CNTNAP2: variants seen among roughly 807,000 people sequenced by gnomAD.
CNTNAP2 encodes contactin-associated protein-like 2.
A neutral mutation model predicts 155.2 loss-of-function variants in CNTNAP2; 98 were observed. The ratio of observed to expected loss-of-function variants is 0.63; its 90% confidence interval spans 0.54 to 0.75. The LOEUF is 0.75. Ranked by LOEUF, CNTNAP2 falls within the 30% of genes least tolerant of loss-of-function variation. CNTNAP2 has a pLI of 0.00. For synonymous variants in CNTNAP2, 651 were observed against 631.2 expected, an observed-to-expected ratio of 1.03 and a Z score of -0.47; for missense variants, 1,727 against 1,688.1, an observed-to-expected ratio of 1.02 and a Z score of -0.40.
intron 18 of CNTNAP2, among the ~76,000 whole-genome samples, chr7:148,211,573 T>C (rs1030175863): frequency 5.9e-5 from 9 of 152,112 alleles, no homozygotes; most frequent in Non-Finnish European, 1.0e-4. Context: ...TCATGGGAAA[T>C]AGGCAAAAAC....
intron 11 of CNTNAP2, among the ~76,000 whole-genome samples, chr7:147,518,460 C>T (rs571837914): frequency 2.0e-4 from 31 of 152,264 alleles, no homozygotes; most frequent in African/African-American, 7.5e-4. Flanking sequence ...GGGGGCCTGT[C>T]CTAGCATCAT....
intron 3 of CNTNAP2, among the ~76,000 whole-genome samples, chr7:147,000,353 G>T (rs1156897041): frequency 6.6e-6 from 1 of 151,830 alleles, no homozygotes; most frequent in African/African-American, 2.4e-5. Context: ...TTATCGTGAG[G>T]CATTTTTCAT....
At chr7:146,220,549 T>C (rs553568337) in intron 1 of CNTNAP2, among the ~76,000 whole-genome samples, 1 of 152,262 alleles carries the variant, frequency 6.6e-6, no homozygotes, top group East Asian at 1.9e-4. Context: ...GTATTATAGT[T>C]TGTCCTATAG....
At chr7:146,491,007 T>A (rs1019855439) in intron 1 of CNTNAP2, among the ~76,000 whole-genome samples, 39 of 152,146 alleles carry the variant, frequency 2.6e-4, no homozygotes, top group Admixed American at 1.1e-3. Context: ...AATATGCTTT[T>A]TATTTCTCTC....
chr7:148,007,507 T>A (rs1368555961), intron 15 of CNTNAP2, among the ~76,000 whole-genome samples: 1 of 152,134 alleles, frequency 6.6e-6, no homozygotes, highest in African/African-American at 2.4e-5. Context: ...AATGTGAAAA[T>A]GAAATCTTTC....
chr7:146,982,319 A>G (rs1027462851), intron 3 of CNTNAP2, among the ~76,000 whole-genome samples: 1 of 152,156 alleles, frequency 6.6e-6, no homozygotes, highest in Admixed American at 6.5e-5. Context: ...TATAATATAT[A>G]AGATCATGTT....
At chr7:146,308,713 A>C (rs1800765459) in intron 1 of CNTNAP2, among the ~76,000 whole-genome samples, 1 of 152,158 alleles carries the variant, frequency 6.6e-6, no homozygotes, top group Non-Finnish European at 1.5e-5. Flanking sequence ...CATTCTGAGC[A>C]AACTATTGCA....
chr7:148,050,831 A>C (rs1315607532), intron 15 of CNTNAP2, among the ~76,000 whole-genome samples: 1 of 152,214 alleles, frequency 6.6e-6, no homozygotes, highest in East Asian at 1.9e-4. Flanking sequence ...ATACACAAAT[A>C]CCATTGTGTT....
chr7:147,978,145 A>G, intron 15 of CNTNAP2, 156 bp downstream of exon 15: 3 of 1,014,342 alleles, frequency 3.0e-6, no homozygotes, highest in Non-Finnish European at 4.4e-6. Flanking sequence ...GGAGGGGAAC[A>G]GCCATAAAGC....
At chr7:146,652,078 T>A (rs749394449) in intron 1 of CNTNAP2, among the ~76,000 whole-genome samples, 1 of 151,948 alleles carries the variant, frequency 6.6e-6, no homozygotes, top group Non-Finnish European at 1.5e-5. Flanking sequence ...TGAACAACAA[T>A]GCAAAAGGAA....
intron 9 of CNTNAP2, among the ~76,000 whole-genome samples, chr7:147,311,002 G>A (rs1321211004): frequency 1.3e-5 from 2 of 152,176 alleles, no homozygotes; most frequent in African/African-American, 4.8e-5. Flanking sequence ...ACAGGCTAGA[G>A]TGATCAGACA....
chr7:147,207,850 C>A (rs1420536053), intron 8 of CNTNAP2, among the ~76,000 whole-genome samples: 4 of 152,000 alleles, frequency 2.6e-5, no homozygotes, highest in African/African-American at 9.7e-5. Flanking sequence ...CACTTATAAA[C>A]CATAAAATTA....
At chr7:148,153,224 CT>C (rs1184532608) in intron 17 of CNTNAP2, among the ~76,000 whole-genome samples, 1 of 138,108 alleles carries the variant, frequency 7.2e-6, no homozygotes, top group Non-Finnish European at 1.5e-5. Context: ...CTCACATGTC[CT>C]TTTGCAAAGT....
At chr7:147,532,014 A>G (rs1377536876) in intron 11 of CNTNAP2, among the ~76,000 whole-genome samples, 2 of 151,966 alleles carry the variant, frequency 1.3e-5, no homozygotes, top group Admixed American at 1.3e-4. Flanking sequence ...TCACCATGTT[A>G]GCCAGGATGG....
intron 1 of CNTNAP2, among the ~76,000 whole-genome samples, chr7:146,317,822 G>C (rs990647127): frequency 1.3e-5 from 2 of 152,200 alleles, no homozygotes; most frequent in African/African-American, 4.8e-5. Flanking sequence ...TGTAAAGCTT[G>C]TTTTTTGAGG....
At chr7:146,299,547 A>AT (rs1185773386) in intron 1 of CNTNAP2, among the ~76,000 whole-genome samples, 1 of 152,004 alleles carries the variant, frequency 6.6e-6, no homozygotes, top group Non-Finnish European at 1.5e-5. Context: ...CATGCAGCTA[A>AT]TTTTTTAGTT....
chr7:148,008,921 A>G (rs1802023836), intron 15 of CNTNAP2, among the ~76,000 whole-genome samples: 1 of 152,234 alleles, frequency 6.6e-6, no homozygotes, highest in Admixed American at 6.5e-5. Flanking sequence ...ACAAGGAGGC[A>G]ACATAACCAC....
chr7:147,367,363 G>A (rs1238532190), intron 9 of CNTNAP2, among the ~76,000 whole-genome samples: 1 of 152,102 alleles, frequency 6.6e-6, no homozygotes, highest in Non-Finnish European at 1.5e-5. Context: ...CTTTGCCTGA[G>A]GCCGTTCTCT....
intron 1 of CNTNAP2, among the ~76,000 whole-genome samples, chr7:146,385,069 A>G (rs949635928): frequency 1.3e-5 from 2 of 152,158 alleles, no homozygotes; most frequent in Non-Finnish European, 2.9e-5. Context: ...CAGCATATAC[A>G]TGTTAAGCTG....
Sources: allele counts gnomAD v4.1 joint callset (sites outside exome capture counted in the v4.1 genomes callset), GRCh38; gene constraint gnomAD v4.1.1; transcripts MANE v1.5; gene names NCBI Gene and HGNC (gene_info 2026-07-23, HGNC 2026-07-21).